GRIPAP1: variants seen among roughly 807,000 people sequenced by gnomAD.
GRIPAP1 encodes GRIP1 associated protein 1.
Under a neutral mutation model 84.1 loss-of-function variants are expected in GRIPAP1, and 14 were observed. The observed-to-expected ratio is 0.17, with a 90% CI of 0.11 to 0.26. The LOEUF (loss-of-function observed/expected upper bound fraction) is 0.26. Among genes scored for constraint, GRIPAP1 ranks in the 10% least tolerant of loss-of-function variants. The probability of loss-of-function intolerance (pLI) is 1.00; values close to 1 mark genes in which losing one functional copy is unlikely to be tolerated. For missense variants in GRIPAP1, 518 were observed against 674.2 expected (o/e 0.77, Z 2.57); for synonymous variants, 261 against 256.8 (o/e 1.02, Z -0.15).
chrX:48,981,348 C>T, intron 20 of GRIPAP1, 34 bp from the exon 21 acceptor site: 1 of 1,194,785 alleles, frequency 8.4e-7, no homozygotes, highest in Non-Finnish European at 1.1e-6. Flanking sequence ...AGGACTGAGG[C>T]CCAGTGGGCC....
chrX:48,987,662 C>A, intron 13 of GRIPAP1, 123 bp downstream of exon 13: 1 of 473,051 alleles, frequency 2.1e-6, no homozygotes, highest in Non-Finnish European at 3.7e-6. Flanking sequence ...CAGAAAGGAG[C>A]AACAGAAACA....
chrX:48,999,340 GC>G, intron 2 of GRIPAP1, 41 bp from the exon 3 acceptor site: 1 of 1,152,148 alleles, frequency 8.7e-7, no homozygotes, highest in Non-Finnish European at 1.2e-6. Flanking sequence ...TCAGCCAGTG[GC>G]AAGAAACTGA....
intron 17 of GRIPAP1, 93 bp from the exon 18 acceptor site, chrX:48,981,965 T>C (rs2064460225): frequency 1.7e-6 from 1 of 600,070 alleles, no homozygotes; most frequent in African/African-American, 2.2e-5. Context: ...CCCAGAGGTA[T>C]GCAGAAATGA....
chrX:48,998,092 C>T, intron 4 of GRIPAP1, 62 bp downstream of exon 4: 1 of 833,466 alleles, frequency 1.2e-6, no homozygotes, highest in Admixed American at 2.2e-5. Context: ...GAAATATCAG[C>T]ATACAGAAAT....
At position 48,985,417 on chromosome X, in the gene GRIPAP1, G is replaced by A. The variant is rs782461166; in HGVS notation, c.1042-15C>T. ...GCTGTTTGGATCTGGAGAAAGTAGT[G>A]GTGATGAGAAGTAGAGTGAAAGGGA... On this transcript the variant is annotated splice_polypyrimidine_tract_variant and intron_variant, in intron 13 of 25. Transcript: ENST00000376423. 3.3e-6 allele frequency: 4 copies of A among 1,206,093 alleles called. No homozygotes were observed. The South Asian group carries it at 7.0e-5, about 21-fold the overall frequency.
rs1371479390 is a variant in GRIPAP1 at position 48,978,188 on chromosome X, AAAT to A, written c.2061+114_2061+116del. 26 of 811,013 alleles carry A rather than the reference AAAT, an allele frequency of 3.2e-5. No homozygotes were observed. In the African/African-American group the frequency reaches 4.8e-4, roughly 15 times the overall value. The allele number at this position is 811,013 out of a possible 1,213,427, so 66.8% of individuals were successfully genotyped here. ...TGGGCTTGGGGAAAAGTTGACAAGA[AAAT>A]ATGTGTGCTGCGCCCAAAGTAGGAG... is the stretch of plus-strand genomic sequence containing the variant. On this transcript the variant is annotated intron_variant, in intron 22 of 25. Transcript: ENST00000376423.
At position 48,980,546 on chromosome X, in the gene GRIPAP1, G is replaced by A. The variant is rs184633997; in HGVS notation, c.1930+669C>T. On this transcript the variant is annotated intron_variant, in intron 21 of 25. Coordinates refer to ENST00000376423, the MANE Select transcript of GRIPAP1 (RefSeq NM_020137.5). ...AGACAGAGATATAAACAGAAGAGAC[G>A]AAGAGGACACAGAGTGGCGGGAAGA... Among the ~76,000 whole-genome samples the A allele has an allele frequency of 2.7e-5, 3 of 110,877 alleles. No homozygotes were observed. In the East Asian group the frequency reaches 8.5e-4, roughly 32 times the overall value.
At chrX:48,988,461 C>A in intron 11 of GRIPAP1, 1 of 361,907 alleles carries the variant, frequency 2.8e-6, no homozygotes, top group Non-Finnish European at 4.9e-6. Context: ...GGTTCAAACT[C>A]ACTCAGCTCC....
At chrX:48,997,527 G>T in intron 4 of GRIPAP1, 170 bp from the exon 5 acceptor site, 2 of 430,778 alleles carry the variant, frequency 4.6e-6, no homozygotes, top group South Asian at 6.9e-5. Context: ...TGAGAGACAG[G>T]GAAAGGAAGA....
intron 13 of GRIPAP1, among the ~76,000 whole-genome samples, chrX:48,986,990 A>G (rs1271750817): frequency 1.9e-5 from 2 of 106,465 alleles, no homozygotes; most frequent in East Asian, 6.0e-4. Flanking sequence ...CTTGGATTAC[A>G]GGTGCCCACC....
At chrX:48,992,976 G>A (rs1428873636) in intron 6 of GRIPAP1, among the ~76,000 whole-genome samples, 1 of 110,578 alleles carries the variant, frequency 9.0e-6, no homozygotes, top group South Asian at 3.9e-4. Context: ...GCCCGCCACC[G>A]TGCCCGGCCA....
intron 21 of GRIPAP1, chrX:48,980,946 A>T (rs1247175214): frequency 7.9e-6 from 3 of 378,091 alleles, no homozygotes; most frequent in Non-Finnish European, 1.4e-5. Context: ...GATAAAGGCA[A>T]ACATAGAGGA....
chrX:48,975,184 G>T lies in GRIPAP1; in HGVS notation c.2404C>A (p.Gln802Lys). 8.3e-7 allele frequency: 1 copy of T among 1,209,956 alleles called. No individual in the cohort carries two copies. The highest frequency in any genetic ancestry group is 3.0e-5 in the East Asian group (1 of 33,795). The change falls in exon 25 of 26, where the codon CAG becomes AAG. Residue 802 changes from glutamine (Q) to lysine (K), a missense_variant. By Grantham distance (53) the Gln-to-Lys change is moderately conservative. Around this residue, in one of 5 missense-constraint regions of GRIPAP1, gnomAD observed 32 missense variants for 82.4 expected, o/e 0.39. Coordinates refer to ENST00000376423, the MANE Select transcript of GRIPAP1 (RefSeq NM_020137.5). ...NKKLQNMLEE[Q>K]LTKNMHLHKD... ...TGCAAGTGCATATTCTTGGTGAGCT[G>T]CTCCTCCAGCATGTTCTGCAGCTTC...
intron 12 of GRIPAP1, 118 bp from the exon 13 acceptor site, chrX:48,987,995 AC>A (rs2064500970): frequency 1.7e-6 from 1 of 596,606 alleles, no homozygotes; most frequent in Non-Finnish European, 2.7e-6. Context: ...ACACACACAC[AC>A]ACACACACAC....
chrX:48,998,984 G>T, intron 3 of GRIPAP1: 1 of 357,867 alleles, frequency 2.8e-6, no homozygotes, highest in South Asian at 6.3e-5. Context: ...TTAATTAAAA[G>T]TCAGTGAATG....
chrX:48,999,478 G>C lies in GRIPAP1; in HGVS notation c.69C>G (p.Asn23Lys). 8.3e-7 allele frequency: 1 copy of C among 1,207,697 alleles called. No homozygotes were observed. The highest frequency in any genetic ancestry group is 1.8e-5 in the South Asian group (1 of 56,873). ...MQAQLLELRT[N>K]NYQLSDELRK... ...GTAGTTCATCTGAAAGCTGGTAGTT[G>C]TTTGTCCGGAGTTCCAGGAGCTGAG... is the stretch of plus-strand genomic sequence containing the variant. The change falls in exon 2 of 26, where the codon AAC becomes AAG. Residue 23 changes from asparagine (N) to lysine (K), a missense_variant. This residue lies in a region of GRIPAP1 where 372 missense variants were observed against 458.1 expected (regional missense o/e 0.81). Coordinates refer to ENST00000376423, the MANE Select transcript of GRIPAP1 (RefSeq NM_020137.5).
intron 13 of GRIPAP1, among the ~76,000 whole-genome samples, chrX:48,986,436 G>A (rs2064488283): frequency 9.1e-6 from 1 of 110,318 alleles, no homozygotes; most frequent in Admixed American, 9.6e-5. Flanking sequence ...CTGTCACCCA[G>A]GCTGGGGTGC....
rs782099617 is a variant in GRIPAP1 at position 48,998,998 on chromosome X, ATGAG to A, written c.171+236_171+239del. 13 of 368,093 alleles carry A rather than the reference ATGAG, an allele frequency of 3.5e-5. No homozygotes were observed. In the East Asian group the frequency reaches 5.6e-4, roughly 16 times the overall value. 30.3% of individuals were successfully genotyped at this position (368,093 alleles called of 1,213,427 possible). ...TTTAATTAAAAGTCAGTGAATGAGAATGAGTAACTGAAATTAGAAATGAATTAAA... is the reference window on the plus strand; with the variant it reads ...TTTAATTAAAAGTCAGTGAATGAGAATAACTGAAATTAGAAATGAATTAAA... On this transcript the variant is annotated intron_variant, in intron 3 of 25. Coordinates refer to ENST00000376423, the MANE Select transcript of GRIPAP1 (RefSeq NM_020137.5).
Position 48,983,044 on chromosome X carries a change from G to T in GRIPAP1, c.1534C>A (p.Gln512Lys), listed in dbSNP as rs782693498. 8.3e-7 allele frequency: 1 copy of T among 1,209,598 alleles called. No individual in the cohort carries two copies. Among genetic ancestry groups the T allele is most frequent in the South Asian group, 1.8e-5 (1 of 56,979 alleles). Residue 512 changes from glutamine to lysine, a missense_variant, in exon 17 of 26, where the codon CAA (glutamine) becomes AAA (lysine). By Grantham distance (53) the Gln-to-Lys change is moderately conservative (BLOSUM62 1). Coordinates refer to ENST00000376423, the MANE Select transcript of GRIPAP1 (RefSeq NM_020137.5). ...ETLQQTVEEL[Q>K]AQVHSMDGAK... ...CCATCCATGGAATGTACCTGAGCTTGAAGTTCTTCCACTGTCTGCTGGAGA... is the reference window on the plus strand; with the variant it reads ...CCATCCATGGAATGTACCTGAGCTTTAAGTTCTTCCACTGTCTGCTGGAGA...
Sources: gnomAD v4.1 joint callset for allele counts (sites outside exome capture counted in the v4.1 genomes callset) on GRCh38, gnomAD v4.1.1 for gene constraint, gnomAD v4.1.1 regional missense constraint, MANE v1.5 for transcripts, NCBI Gene and HGNC (gene_info 2026-07-23, HGNC 2026-07-21) for gene names.